The following MSI2 variants were observed in gnomAD, a reference collection of about 807,000 sequenced individuals.
MSI2 encodes the protein RNA-binding protein Musashi homolog 2.
In MSI2, 17 loss-of-function variants were observed where a neutral mutation model predicts 45.6. The ratio of observed to expected loss-of-function variants is 0.37; its 90% CI spans 0.26 to 0.56. MSI2 has a LOEUF of 0.56. Ranked by LOEUF, MSI2 falls within the 20% of genes least tolerant of loss-of-function variation. MSI2 has a pLI of 0.77. For missense variants in MSI2, 293 were observed against 444.2 expected, an observed-to-expected ratio of 0.66 and a Z score of 3.06; for synonymous variants, 156 against 158.2, an observed-to-expected ratio of 0.99 and a Z score of 0.11.
chr17:57,608,043 CTA>C (rs2144525234), intron 8 of MSI2, among the ~76,000 whole-genome samples: 1 of 152,306 alleles, frequency 6.6e-6, no homozygotes, highest in South Asian at 2.1e-4. Flanking sequence ...AATATCCAAA[CTA>C]TATGACTACC....
chr17:57,652,071 G>T lies in MSI2; in HGVS notation c.728-28G>T. 2 of 1,611,710 alleles carry T rather than the reference G, an allele frequency of 1.2e-6. No homozygotes were observed. Among genetic ancestry groups the T allele is most frequent in the South Asian group, 2.2e-5 (2 of 90,958 alleles). On this transcript the variant is annotated intron_variant, in intron 10 of 13. Coordinates refer to ENST00000284073, the MANE Select transcript of MSI2 (RefSeq NM_138962.4). The surrounding 1 kb of genome is among the most constrained non-coding windows in gnomAD (Gnocchi z 4.1). Reference sequence around the variant, plus strand: ...CTGGCCCTTTCAAGGATTCCTCCATGACTCAGGCTCCTCTCTCTCCTGACC... The same window carrying T: ...CTGGCCCTTTCAAGGATTCCTCCATTACTCAGGCTCCTCTCTCTCCTGACC...
intron 9 of MSI2, among the ~76,000 whole-genome samples, chr17:57,620,069 T>C (rs768902159): frequency 6.6e-6 from 1 of 152,088 alleles, no homozygotes; most frequent in Non-Finnish European, 1.5e-5. Context: ...GAGAACCCTT[T>C]GGATGGAATG....
At chr17:57,311,978 G>A (rs967011466) in intron 5 of MSI2, among the ~76,000 whole-genome samples, 2 of 152,192 alleles carry the variant, frequency 1.3e-5, no homozygotes, top group African/African-American at 2.4e-5. Context: ...AATTACGGGC[G>A]TGAGCTATGG....
intron 7 of MSI2, among the ~76,000 whole-genome samples, chr17:57,556,165 A>G (rs2087431371): frequency 6.6e-6 from 1 of 152,182 alleles, no homozygotes; most frequent in South Asian, 2.1e-4. Flanking sequence ...CCACAGTATC[A>G]GTTTTCTTAT....
chr17:57,615,159 G>C lies in MSI2; in HGVS notation c.538-811G>C, dbSNP rs942629068. Among the ~76,000 whole-genome samples, 5 of 144,180 alleles carry C rather than the reference G, an allele frequency of 3.5e-5. No individual in the cohort carries two copies. The East Asian group carries it at 1.0e-3, about 29-fold the overall frequency. 94.6% of individuals were successfully genotyped at this position (144,180 alleles called of 152,430 possible). On this transcript the variant is annotated intron_variant, in intron 8 of 13. Coordinates refer to ENST00000284073, the MANE Select transcript of MSI2 (RefSeq NM_138962.4). The stretch of plus-strand genomic sequence containing the variant: ...TTTTTTTTTTTTAAGACAGGGTCTC[G>C]CTGTGTCACCCAGGCTGGAGTGCAG...
intron 10 of MSI2, among the ~76,000 whole-genome samples, chr17:57,638,622 G>C (rs1158852645): frequency 6.6e-6 from 1 of 152,210 alleles, no homozygotes; most frequent in East Asian, 1.9e-4. Flanking sequence ...AGGCACGGTG[G>C]CTCACTCCTG....
chr17:57,594,858 A>G (rs938861175), intron 7 of MSI2, among the ~76,000 whole-genome samples: 2 of 152,162 alleles, frequency 1.3e-5, no homozygotes, highest in Non-Finnish European at 1.5e-5. Flanking sequence ...ACTTTATGGT[A>G]CATCTGATGC....
chr17:57,526,773 A>G (rs1163657709), intron 6 of MSI2, among the ~76,000 whole-genome samples: 2 of 152,048 alleles, frequency 1.3e-5, no homozygotes, highest in East Asian at 3.9e-4. Context: ...TTTCCTCTCT[A>G]GCTCCTTCTT....
At chr17:57,398,805 A>C (rs1212202529) in intron 5 of MSI2, among the ~76,000 whole-genome samples, 1 of 152,228 alleles carries the variant, frequency 6.6e-6, no homozygotes. Context: ...CTCGCACTTA[A>C]TGTATCTGTT....
intron 10 of MSI2, chr17:57,632,118 T>C (rs1428885576): frequency 2.4e-6 from 3 of 1,237,250 alleles, no homozygotes; most frequent in Non-Finnish European, 3.0e-6. Flanking sequence ...GGGAAACTTC[T>C]CACAAACTTC....
intron 4 of MSI2, among the ~76,000 whole-genome samples, chr17:57,259,330 TC>T (rs2143159479): frequency 6.6e-6 from 1 of 152,296 alleles, no homozygotes; most frequent in African/African-American, 2.4e-5. Context: ...GGGCTCTACT[TC>T]CATCCGCCTC....
At chr17:57,597,892 T>TTCCC (rs1178830707) in intron 8 of MSI2, among the ~76,000 whole-genome samples, 14 of 152,216 alleles carry the variant, frequency 9.2e-5, no homozygotes, top group African/African-American at 3.4e-4. Flanking sequence ...AGCTGCTTCC[T>TTCCC]TCCCTCTCTT....
chr17:57,319,369 G>A (rs1012442499), intron 5 of MSI2, among the ~76,000 whole-genome samples: 1 of 152,168 alleles, frequency 6.6e-6, no homozygotes, highest in African/African-American at 2.4e-5. Flanking sequence ...GAACATGAAT[G>A]TCCAGATTCC....
chr17:57,453,608 T>C (rs1193478808), intron 6 of MSI2, among the ~76,000 whole-genome samples: 2 of 152,230 alleles, frequency 1.3e-5, no homozygotes, highest in African/African-American at 4.8e-5. Flanking sequence ...AGCATTTGCC[T>C]GTGTACAGCA....
At chr17:57,410,968 T>C (rs1403330626) in intron 6 of MSI2, among the ~76,000 whole-genome samples, 1 of 152,174 alleles carries the variant, frequency 6.6e-6, no homozygotes, top group East Asian at 1.9e-4. Context: ...GATTCTCTGA[T>C]AGGGAAACAG....
Position 57,566,364 on chromosome 17 carries a change from A to G in MSI2, c.455-30504A>G, listed in dbSNP as rs146663777. On this transcript the variant is annotated intron_variant, in intron 7 of 13. Coordinates refer to ENST00000284073, the MANE Select transcript of MSI2 (RefSeq NM_138962.4). ...GATAATGTACGTTTTACATTTGATT[A>G]TATAATCAATTATGTTTCTCCTAAT... Among the ~76,000 whole-genome samples the G allele has an allele frequency of 7.6e-3, 1,157 of 152,314 alleles. 13 individuals carry two copies. Among genetic ancestry groups the G allele is most frequent in the Middle Eastern group, 0.01 (3 of 294 alleles).
At chr17:57,258,205 T>A (rs2143147381) in intron 3 of MSI2, 65 bp from the exon 4 acceptor site, 3 of 1,453,182 alleles carry the variant, frequency 2.1e-6, no homozygotes, top group Non-Finnish European at 1.9e-6. Flanking sequence ...TAGGTCTCAC[T>A]CCTGGTTGCT....
chr17:57,565,928 G>A (rs778207592), intron 7 of MSI2: 29 of 152,216 alleles, frequency 1.9e-4, no homozygotes, highest in Admixed American at 9.8e-4. Context: ...CCCAGGGAGA[G>A]TAGCGATTTA....
intron 13 of MSI2, 79 bp downstream of exon 13, chr17:57,677,138 C>A: frequency 1.0e-6 from 1 of 974,128 alleles, no homozygotes; most frequent in Non-Finnish European, 1.7e-6. Context: ...CATGCACGTG[C>A]GTGCCCCTGT....
Sources: gnomAD v4.1 joint callset for allele counts (sites outside exome capture counted in the v4.1 genomes callset) on GRCh38, gnomAD v4.1.1 for gene constraint, Gnocchi (gnomAD v3.1) non-coding constraint, MANE v1.5 for transcripts, NCBI Gene and HGNC (gene_info 2026-07-23, HGNC 2026-07-21) for gene names.